Variants in SLC44A5 observed in about 807,000 individuals in gnomAD.
SLC44A5 encodes the protein solute carrier family 44 member 5, also known as choline transporter-like protein 5.
Under a neutral mutation model 101.8 loss-of-function variants are expected in SLC44A5, and 57 were observed. That is an observed-to-expected ratio of 0.56 (90% CI 0.45 to 0.70). The LOEUF is 0.70. Among genes scored for constraint, SLC44A5 ranks in the 30% least tolerant of loss-of-function variants. SLC44A5 has a pLI of 0.00. For synonymous variants in SLC44A5, 281 were observed against 290.9 expected, an observed-to-expected ratio of 0.97 and a Z score of 0.35; for missense variants, 737 against 853.1, an observed-to-expected ratio of 0.86 and a Z score of 1.70.
At chr1:75,484,525 T>C (rs1272154174) in intron 2 of SLC44A5, among the ~76,000 whole-genome samples, 2 of 152,236 alleles carry the variant, frequency 1.3e-5, no homozygotes, top group African/African-American at 4.8e-5. Context: ...TCCCTGTGGC[T>C]GCTTTCACTA....
chr1:75,639,241 A>C, the SLC44A5 span, among the ~76,000 whole-genome samples: 2 of 152,146 alleles, frequency 1.3e-5, no homozygotes, highest in Non-Finnish European at 2.9e-5. Context: ...GAGGTAATGC[A>C]TACGTTAATC....
chr1:75,297,625 A>T, intron 5 of SLC44A5, among the ~76,000 whole-genome samples: 1 of 152,238 alleles, frequency 6.6e-6, no homozygotes, highest in East Asian at 1.9e-4. Context: ...TTGTGCTATT[A>T]TATTGTATAC....
the SLC44A5 span, among the ~76,000 whole-genome samples, chr1:75,654,691 C>A: frequency 2.5e-3 from 382 of 152,222 alleles, 1 homozygote; most frequent in Non-Finnish European, 3.2e-3. Flanking sequence ...ATTAAAAGAC[C>A]TCCAGAAAGA....
intron 1 of SLC44A5, among the ~76,000 whole-genome samples, chr1:75,592,738 C>T (rs1674420948): frequency 6.6e-6 from 1 of 151,894 alleles, no homozygotes; most frequent in Admixed American, 6.6e-5. Flanking sequence ...AGAATATATA[C>T]TGGGGGAAAG....
At chr1:75,597,413 T>C (rs911993902) in intron 1 of SLC44A5, among the ~76,000 whole-genome samples, 4 of 152,096 alleles carry the variant, frequency 2.6e-5, no homozygotes, top group Non-Finnish European at 5.9e-5. Context: ...CCTATTAAAC[T>C]AACATTGATA....
intron 2 of SLC44A5, among the ~76,000 whole-genome samples, chr1:75,432,738 T>C (rs921759091): frequency 5.3e-5 from 8 of 152,122 alleles, no homozygotes; most frequent in Non-Finnish European, 1.0e-4. Flanking sequence ...AAATGATGTT[T>C]AGAGATCTCT....
the SLC44A5 span, among the ~76,000 whole-genome samples, chr1:75,680,771 C>A: frequency 0.29 from 44,222 of 151,110 alleles, 6,671 homozygotes; most frequent in Non-Finnish European, 0.33. Context: ...CAGAGCAGAA[C>A]TGAAGGAAAT....
At chr1:75,496,621 A>C (rs904733305) in intron 2 of SLC44A5, among the ~76,000 whole-genome samples, 7 of 151,322 alleles carry the variant, frequency 4.6e-5, no homozygotes, top group African/African-American at 9.7e-5. Context: ...AAAAAAAAAA[A>C]CAATAAAAGT....
At chr1:75,665,168 A>G in the SLC44A5 span, among the ~76,000 whole-genome samples, 2 of 152,136 alleles carry the variant, frequency 1.3e-5, no homozygotes, top group Non-Finnish European at 1.5e-5. Flanking sequence ...CAATCTTAAG[A>G]AAAAAGAACA....
chr1:75,605,889 T>G (rs577627324), intron 1 of SLC44A5, among the ~76,000 whole-genome samples: 1 of 152,130 alleles, frequency 6.6e-6, no homozygotes, highest in South Asian at 2.1e-4. Flanking sequence ...ATGATAGGGC[T>G]AGCCCATAGC....
At chr1:75,440,819 T>C (rs1163613133) in intron 2 of SLC44A5, among the ~76,000 whole-genome samples, 1 of 152,036 alleles carries the variant, frequency 6.6e-6, no homozygotes, top group Non-Finnish European at 1.5e-5. Context: ...CCAGCAATAG[T>C]ACTTCACTGA....
chr1:75,506,907 CTTT>C (rs61554987), intron 2 of SLC44A5, among the ~76,000 whole-genome samples: 72 of 68,744 alleles, frequency 1.0e-3, no homozygotes, highest in African/African-American at 3.3e-3. Flanking sequence ...TATTCCTATT[CTTT>C]TTTTTTTTTT....
intron 2 of SLC44A5, among the ~76,000 whole-genome samples, chr1:75,502,436 T>A (rs1173293275): frequency 6.6e-6 from 1 of 152,238 alleles, no homozygotes; most frequent in Non-Finnish European, 1.5e-5. Flanking sequence ...ATGGGAAGTC[T>A]GAACTCACAA....
the SLC44A5 span, among the ~76,000 whole-genome samples, chr1:75,712,102 C>T: frequency 2.6e-5 from 4 of 152,280 alleles, no homozygotes; most frequent in Middle Eastern, 3.4e-3. Context: ...GTTTCCAAGA[C>T]CTAGGAAATC....
intron 18 of SLC44A5, among the ~76,000 whole-genome samples, chr1:75,217,579 C>G (rs1009430733): frequency 5.9e-5 from 9 of 152,068 alleles, no homozygotes; most frequent in African/African-American, 2.2e-4. Context: ...ACAATAACAT[C>G]TCAAAACAGA....
chr1:75,631,718 G>C, the SLC44A5 span, among the ~76,000 whole-genome samples: 3 of 151,864 alleles, frequency 2.0e-5, no homozygotes, highest in African/African-American at 7.3e-5. Context: ...TGTATTTTTA[G>C]TAGAGACGGC....
At chr1:75,462,750 G>C (rs985938822) in intron 2 of SLC44A5, among the ~76,000 whole-genome samples, 4 of 152,012 alleles carry the variant, frequency 2.6e-5, no homozygotes, top group Non-Finnish European at 5.9e-5. Flanking sequence ...ACATACTGAA[G>C]GATGCATCAC....
intron 1 of SLC44A5, among the ~76,000 whole-genome samples, chr1:75,567,104 T>C (rs982559237): frequency 6.6e-6 from 1 of 152,206 alleles, no homozygotes. Context: ...TCAGCCTCCA[T>C]AGCCTAATGA....
At chr1:75,235,994 T>C (rs1228055345) in intron 11 of SLC44A5, among the ~76,000 whole-genome samples, 1 of 151,972 alleles carries the variant, frequency 6.6e-6, no homozygotes, top group Non-Finnish European at 1.5e-5. Context: ...GAGGAACACA[T>C]AAGAAGAAGT....
Sources: gnomAD v4.1 joint callset for allele counts (sites outside exome capture counted in the v4.1 genomes callset) on GRCh38, gnomAD v4.1.1 for gene constraint, MANE v1.5 for transcripts, NCBI Gene and HGNC (gene_info 2026-07-23, HGNC 2026-07-21) for gene names.